VSIG4: variants seen among roughly 807,000 people sequenced by gnomAD.
VSIG4 encodes the protein V-set and immunoglobulin domain-containing protein 4.
VSIG4 carries 34 observed loss-of-function variants against 23.4 expected under a neutral mutation model. That is an observed-to-expected ratio of 1.45 (90% CI 1.10 to 1.93). VSIG4 has a LOEUF of 1.93. VSIG4 is among the 30% of genes most tolerant of loss of function. VSIG4 has a pLI of 0.00. For synonymous variants in VSIG4, 169 were observed against 120.3 expected (o/e 1.41, Z -2.65); for missense variants, 433 against 310.8 (o/e 1.39, Z -2.96).
At chrX:66,031,692 A>C (rs1472732630) in intron 3 of VSIG4, among the ~76,000 whole-genome samples, 2 of 110,455 alleles carry the variant, frequency 1.8e-5, no homozygotes, top group Non-Finnish European at 3.8e-5. Context: ...AGCTAAGAAA[A>C]CTCATCTGGA....
At chrX:66,029,997 G>A (rs1264486500) in intron 3 of VSIG4, among the ~76,000 whole-genome samples, 2 of 111,768 alleles carry the variant, frequency 1.8e-5, no homozygotes, top group African/African-American at 6.5e-5. Context: ...ATGCAGAGAT[G>A]AATAAGAATT....
rs1295556525 is a variant in VSIG4 at position 66,028,104 on chromosome X, T to A, written c.703A>T (p.Lys235Ter). Residue 235 changes from lysine to a stop codon, truncating the protein, a stop_gained, in exon 4 of 8, where the codon AAG (lysine) becomes TAG (stop). Coordinates refer to ENST00000374737, the MANE Select transcript of VSIG4 (RefSeq NM_007268.3). LOFTEE classifies it high-confidence loss of function. ...GCCTCAGTCTTGGTCTTGAGTAGCT[T>A]TGAGGAGTCTGCAAGGAAAAGGGAA... ...IVKFVVKDSS[K>*]LLKTKTEAPT... is the part of the protein sequence containing the mutation. 1 of 1,210,113 alleles carries A rather than the reference T, an allele frequency of 8.3e-7. No individual in the cohort carries two copies.
At chrX:66,035,119 A>G (rs2147671180) in intron 1 of VSIG4, among the ~76,000 whole-genome samples, 1 of 111,193 alleles carries the variant, frequency 9.0e-6, no homozygotes, top group African/African-American at 3.3e-5. Flanking sequence ...TCAAGCCTCT[A>G]GCCTGTGCCC....
intron 3 of VSIG4, among the ~76,000 whole-genome samples, chrX:66,031,143 C>A (rs1224501343): frequency 9.0e-6 from 1 of 111,468 alleles, no homozygotes; most frequent in African/African-American, 3.3e-5. Flanking sequence ...TGCTTAACAG[C>A]ACTGTAATAA....
intron 1 of VSIG4, among the ~76,000 whole-genome samples, chrX:66,034,033 A>ATTGTTTAGATCTTGTGAG (rs1273989929): frequency 9.0e-6 from 1 of 111,500 alleles, no homozygotes; most frequent in Non-Finnish European, 1.9e-5. Context: ...AGCCTTTAAC[A>ATTGTTTAGATCTTGTGAG]TTGTTTAGAT....
intron 3 of VSIG4, 47 bp from the exon 4 acceptor site, chrX:66,028,159 G>A: frequency 9.0e-7 from 1 of 1,110,136 alleles, no homozygotes; most frequent in Non-Finnish European, 1.2e-6. Flanking sequence ...ACCCTTTGGT[G>A]AATAGTTTAA....
At chrX:66,025,304 AAG>A (rs2085377624) in intron 5 of VSIG4, among the ~76,000 whole-genome samples, 175 bp from the exon 6 acceptor site, 1 of 112,197 alleles carries the variant, frequency 8.9e-6, no homozygotes, top group Non-Finnish European at 1.9e-5. Flanking sequence ...AGACTTGAGA[AAG>A]AGATGCCATG....
At chrX:66,034,918 T>C (rs2085518379) in intron 1 of VSIG4, among the ~76,000 whole-genome samples, 1 of 110,866 alleles carries the variant, frequency 9.0e-6, no homozygotes, top group African/African-American at 3.3e-5. Context: ...AATATATTCA[T>C]GTCTCTCCTA....
intron 7 of VSIG4, 103 bp downstream of exon 7, chrX:66,022,738 G>T: frequency 8.4e-7 from 1 of 1,196,692 alleles, no homozygotes; most frequent in African/African-American, 1.7e-5. Flanking sequence ...TCCGGCCTTA[G>T]GATTGGGTCT....
intron 1 of VSIG4, among the ~76,000 whole-genome samples, chrX:66,038,281 C>G (rs1386076816): frequency 9.0e-6 from 1 of 110,877 alleles, no homozygotes; most frequent in Non-Finnish European, 1.9e-5. Context: ...TAAGACCAGT[C>G]AAGTCAACCT....
chrX:66,035,982 C>A (rs866282072), intron 1 of VSIG4, among the ~76,000 whole-genome samples: 2 of 111,762 alleles, frequency 1.8e-5, no homozygotes, highest in Non-Finnish European at 1.9e-5. Flanking sequence ...CTCAGTCTGG[C>A]CTATCAAGAA....
chrX:66,033,035 T>A (rs1248190599), intron 2 of VSIG4, among the ~76,000 whole-genome samples: 7 of 111,754 alleles, frequency 6.3e-5, no homozygotes, highest in Non-Finnish European at 1.3e-4. Context: ...AGTAGAGCTT[T>A]TGATTACCTG....
chrX:66,037,555 A>T (rs774318738), intron 1 of VSIG4, among the ~76,000 whole-genome samples: 86 of 32,481 alleles, frequency 2.6e-3, no homozygotes, highest in African/African-American at 0.012. Context: ...ATATTATATT[A>T]TATATTTATA....
At chrX:66,038,485 A>T (rs776828522) in intron 1 of VSIG4, among the ~76,000 whole-genome samples, 2,689 of 107,892 alleles carry the variant, frequency 0.025, 53 homozygotes, top group African/African-American at 0.06. Flanking sequence ...TCTCTCTCAC[A>T]CACACACACA....
intron 7 of VSIG4, 24 bp downstream of exon 7, chrX:66,022,817 A>C: frequency 3.3e-6 from 4 of 1,211,439 alleles, no homozygotes; most frequent in Non-Finnish European, 4.5e-6. Context: ...GGGGTCAAAA[A>C]TGGAAGAGGA....
intron 1 of VSIG4, among the ~76,000 whole-genome samples, chrX:66,039,352 A>G (rs1286486161): frequency 8.9e-6 from 1 of 111,786 alleles, no homozygotes. Context: ...GTCAGAGGGA[A>G]CTGGATTTAG....
chrX:66,036,635 GATA>G (rs1199871132), intron 1 of VSIG4, among the ~76,000 whole-genome samples: 5 of 71,895 alleles, frequency 7.0e-5, no homozygotes, highest in Non-Finnish European at 7.4e-5. Flanking sequence ...TTATAATATA[GATA>G]ATATTTTAAT....
At chrX:66,028,558 CTTTT>C (rs34660062) in intron 3 of VSIG4, among the ~76,000 whole-genome samples, 48 of 74,240 alleles carry the variant, frequency 6.5e-4, no homozygotes, top group Admixed American at 9.6e-4. Flanking sequence ...ACGTAATCAA[CTTTT>C]TTTTTTTTTT....
rs762489704 is a variant in VSIG4, at chrX:66,022,852, G to A, written c.951C>T (p.Tyr317=). 7.7e-5 allele frequency: 93 copies of A among 1,209,892 alleles called. No individual in the cohort carries two copies. Among genetic ancestry groups the A allele is most frequent in the Non-Finnish European group, 9.2e-5 (82 of 895,058 alleles). The part of the protein sequence containing the change: ...CRKTSQQEHV[Y]EAARAHAREA... ...AGAGACTTTCTTACCTGGCTGCTTC[G>A]TAGACATGCTCTAGAAAAAAAGGAG... The change falls in exon 7 of 8, where the codon TAC becomes TAT. Residue 317 remains tyrosine (Y), a synonymous_variant. Transcript: ENST00000374737.
Sources: gnomAD v4.1 joint callset for allele counts (sites outside exome capture counted in the v4.1 genomes callset) on GRCh38, gnomAD v4.1.1 for gene constraint, MANE v1.5 for transcripts, NCBI Gene and HGNC (gene_info 2026-07-23, HGNC 2026-07-21) for gene names.